Variants in CDH17 observed in about 807,000 individuals in gnomAD.
CDH17 encodes the protein cadherin 17, also known as cadherin-17.
CDH17 carries 67 observed loss-of-function variants against 86.3 expected under a neutral mutation model. The ratio of observed to expected loss-of-function variants is 0.78; its 90% CI spans 0.64 to 0.95. CDH17 has a LOEUF of 0.95. Among genes scored for constraint, CDH17 ranks in the 40% least tolerant of loss-of-function variants. CDH17 has a pLI of 0.00. For missense variants in CDH17, 993 were observed against 1,017.6 expected, an observed-to-expected ratio of 0.98 and a Z score of 0.33; for synonymous variants, 367 against 366.4, an observed-to-expected ratio of 1.00 and a Z score of -0.02.
At chr8:94,146,870 G>A (rs1812754259) in intron 14 of CDH17, among the ~76,000 whole-genome samples, 1 of 151,902 alleles carries the variant, frequency 6.6e-6, no homozygotes, top group Non-Finnish European at 1.5e-5. Context: ...CACAGACATT[G>A]TTTCTACAAC....
chr8:94,162,296 CAG>C (rs1380184514), intron 10 of CDH17, 134 bp from the exon 11 acceptor site: 14 of 646,774 alleles, frequency 2.2e-5, no homozygotes, highest in African/African-American at 3.6e-5. Flanking sequence ...GCAATTTGTG[CAG>C]AGAGTGGGCT....
intron 3 of CDH17, among the ~76,000 whole-genome samples, chr8:94,181,970 A>G (rs1813494606): frequency 6.6e-6 from 1 of 152,120 alleles, no homozygotes; most frequent in African/African-American, 2.4e-5. Flanking sequence ...AACCTTATAG[A>G]AACAAAAAGT....
intron 5 of CDH17, 59 bp downstream of exon 5, chr8:94,176,481 GC>G: frequency 6.3e-7 from 1 of 1,578,916 alleles, no homozygotes; most frequent in Admixed American, 1.7e-5. Context: ...ACACAAGTCT[GC>G]CCCTTCCACC....
At chr8:94,162,046 G>C (rs374985969) in intron 11 of CDH17, 40 bp downstream of exon 11, 29 of 1,230,478 alleles carry the variant, frequency 2.4e-5, no homozygotes, top group Admixed American at 1.4e-4. Context: ...GAAGTAAAAT[G>C]AATAAAGTAA....
At chr8:94,199,949 C>T (rs111744793) in intron 1 of CDH17, among the ~76,000 whole-genome samples, 4 of 152,208 alleles carry the variant, frequency 2.6e-5, no homozygotes, top group African/African-American at 2.4e-5. Flanking sequence ...TTGCCACTCA[C>T]GTTTGCTTAG....
chr8:94,206,808 A>T (rs1380494200), intron 1 of CDH17, among the ~76,000 whole-genome samples: 1 of 151,902 alleles, frequency 6.6e-6, no homozygotes, highest in Non-Finnish European at 1.5e-5. Context: ...TGCCTGGCTA[A>T]TTTTTAATTT....
At chr8:94,146,967 G>A (rs1300602621) in intron 14 of CDH17, among the ~76,000 whole-genome samples, 2 of 151,244 alleles carry the variant, frequency 1.3e-5, no homozygotes, top group Non-Finnish European at 2.9e-5. Flanking sequence ...TCTCAACATC[G>A]TCTATGTCCA....
chr8:94,170,329 A>G, intron 9 of CDH17, 68 bp downstream of exon 9: 4 of 1,527,066 alleles, frequency 2.6e-6, no homozygotes, highest in Non-Finnish European at 8.9e-7. Flanking sequence ...TCTCCTGCTC[A>G]CCTTTTACCC....
chr8:94,209,244 A>G (rs1029855568), upstream of CDH17, among the ~76,000 whole-genome samples: 1 of 152,210 alleles, frequency 6.6e-6, no homozygotes, highest in African/African-American at 2.4e-5. Flanking sequence ...ATAAAAGCCA[A>G]TGCCCCCAGA....
intron 14 of CDH17, among the ~76,000 whole-genome samples, chr8:94,147,082 AC>A (rs1176056865): frequency 6.6e-6 from 1 of 152,100 alleles, no homozygotes; most frequent in Non-Finnish European, 1.5e-5. Context: ...AGGGTTTTGG[AC>A]CCTGGTTTTG....
chr8:94,199,060 TATATATATATATATATATATATA>T (rs1813845091), intron 1 of CDH17, among the ~76,000 whole-genome samples: 27 of 21,404 alleles, frequency 1.3e-3, no homozygotes, highest in Non-Finnish European at 2.0e-3. Context: ...TATATATATA[TATATATATATATATATATATATA>T]TTTTTTTTTT....
intron 3 of CDH17, among the ~76,000 whole-genome samples, chr8:94,185,276 TACAC>T (rs71277462): frequency 0.084 from 11,498 of 136,704 alleles, 587 homozygotes; most frequent in African/African-American, 0.16. Flanking sequence ...CCTACCCCAA[TACAC>T]ACACACACAC....
intron 1 of CDH17, among the ~76,000 whole-genome samples, chr8:94,216,406 A>G (rs1814194383): frequency 6.6e-6 from 1 of 152,118 alleles, no homozygotes; most frequent in Non-Finnish European, 1.5e-5. Flanking sequence ...TCTATCAATG[A>G]GCCTCAGCCA....
chr8:94,155,883 G>A (rs755357165), intron 12 of CDH17, among the ~76,000 whole-genome samples: 3 of 152,320 alleles, frequency 2.0e-5, no homozygotes, highest in South Asian at 4.1e-4. Flanking sequence ...GATTCTATCC[G>A]CATAACTTCC....
At chr8:94,173,753 A>T in intron 7 of CDH17, 44 bp downstream of exon 7, 2 of 1,455,410 alleles carry the variant, frequency 1.4e-6, no homozygotes, top group South Asian at 2.3e-5. Flanking sequence ...AAGTGAAGCC[A>T]TTTATCTAGT....
At chr8:94,205,453 GA>G (rs1374607898) in intron 1 of CDH17, among the ~76,000 whole-genome samples, 1 of 151,928 alleles carries the variant, frequency 6.6e-6, no homozygotes, top group Non-Finnish European at 1.5e-5. Context: ...TCGAAAGAAA[GA>G]AAGAAAAGAG....
intron 1 of CDH17, among the ~76,000 whole-genome samples, chr8:94,203,298 G>A (rs1410002418): frequency 6.6e-6 from 1 of 152,152 alleles, no homozygotes; most frequent in Non-Finnish European, 1.5e-5. Flanking sequence ...CTAAGGCTGA[G>A]CCATGAAGCT....
At chr8:94,130,088 C>G (rs967461465) in intron 17 of CDH17, among the ~76,000 whole-genome samples, 8 of 152,274 alleles carry the variant, frequency 5.3e-5, no homozygotes, top group Non-Finnish European at 1.0e-4. Flanking sequence ...TCTAGCCAAG[C>G]AAGGGGCTAT....
At chr8:94,152,348 A>C (rs1405842361) in intron 12 of CDH17, among the ~76,000 whole-genome samples, 1 of 152,244 alleles carries the variant, frequency 6.6e-6, no homozygotes, top group Admixed American at 6.5e-5. Flanking sequence ...AAAACATAGA[A>C]GAAAACTCTG....
Sources: gnomAD v4.1 joint callset for allele counts (sites outside exome capture counted in the v4.1 genomes callset) on GRCh38, gnomAD v4.1.1 for gene constraint, MANE v1.5 for transcripts, NCBI Gene and HGNC (gene_info 2026-07-23, HGNC 2026-07-21) for gene names.